ERC1: variants seen among roughly 807,000 people sequenced by gnomAD.
The protein encoded by ERC1 is ELKS/RAB6-interacting/CAST family member 1.
A neutral mutation model predicts 132.0 loss-of-function variants in ERC1; 56 were observed. The observed-to-expected ratio is 0.42, with a 90% confidence interval of 0.34 to 0.53. The LOEUF (loss-of-function observed/expected upper bound fraction) is 0.53, where lower values mean the gene tolerates loss of function less well. ERC1 is among the 20% of genes least tolerant of loss of function. The probability of loss-of-function intolerance (pLI) is 0.03; values close to 1 mark genes in which losing one functional copy is unlikely to be tolerated. For missense variants in ERC1, 1,202 were observed against 1,349.9 expected, an observed-to-expected ratio of 0.89 and a Z score of 1.72; for synonymous variants, 478 against 476.1, an observed-to-expected ratio of 1.00 and a Z score of -0.05.
chr12:1,038,549 CAG>C (rs978231445), intron 2 of ERC1, among the ~76,000 whole-genome samples: 17 of 151,966 alleles, frequency 1.1e-4, no homozygotes, highest in African/African-American at 3.6e-4. Context: ...TTAGTAGAGA[CAG>C]GGTTTCACCA....
chr12:1,223,174 T>C (rs2074304081), intron 12 of ERC1, among the ~76,000 whole-genome samples: 1 of 152,212 alleles, frequency 6.6e-6, no homozygotes, highest in Admixed American at 6.6e-5. Context: ...GTAAAACAGG[T>C]ATGTAGACTC....
At chr12:1,023,272 G>A (rs967059057) in intron 1 of ERC1, among the ~76,000 whole-genome samples, 3 of 152,162 alleles carry the variant, frequency 2.0e-5, no homozygotes, top group Non-Finnish European at 4.4e-5. Context: ...AGAAATCAAA[G>A]CAACAGGAAT....
intron 1 of ERC1, among the ~76,000 whole-genome samples, chr12:1,007,540 C>CTCTCTCTCTCTCTCTGTGTG (rs1555194875): frequency 3.4e-4 from 42 of 122,786 alleles, no homozygotes; most frequent in African/African-American, 1.2e-3. Flanking sequence ...CTCTCTCTCT[C>CTCTCTCTCTCTCTCTGTGTG]TGTGTGTGTG....
At chr12:1,448,311 C>G (rs1003935863) in intron 18 of ERC1, among the ~76,000 whole-genome samples, 2 of 152,144 alleles carry the variant, frequency 1.3e-5, no homozygotes, top group Non-Finnish European at 2.9e-5. Context: ...AACGAGAGAC[C>G]TGGGTCATCT....
intron 2 of ERC1, among the ~76,000 whole-genome samples, chr12:1,037,356 G>T (rs767766675): frequency 6.6e-6 from 1 of 152,118 alleles, no homozygotes; most frequent in Non-Finnish European, 1.5e-5. Flanking sequence ...TATAATTTGG[G>T]GGTCCTCTTT....
chr12:1,004,508 A>T (rs1432002683), intron 1 of ERC1, among the ~76,000 whole-genome samples: 1 of 144,818 alleles, frequency 6.9e-6, no homozygotes, highest in African/African-American at 2.6e-5. Flanking sequence ...CTGGGTTCAG[A>T]CAATTCTCCT....
intron 18 of ERC1, among the ~76,000 whole-genome samples, chr12:1,452,392 G>A (rs2093444059): frequency 6.6e-6 from 1 of 152,046 alleles, no homozygotes; most frequent in Non-Finnish European, 1.5e-5. Flanking sequence ...TCAACCATTT[G>A]ATGATAATGT....
intron 14 of ERC1, among the ~76,000 whole-genome samples, chr12:1,278,478 C>G (rs570178988): frequency 6.6e-6 from 1 of 151,714 alleles, no homozygotes; most frequent in South Asian, 2.1e-4. Context: ...ATTGTTGTAG[C>G]CACCTTAAAA....
chr12:1,462,673 T>C (rs1431459894), intron 18 of ERC1, among the ~76,000 whole-genome samples: 1 of 152,156 alleles, frequency 6.6e-6, no homozygotes, highest in African/African-American at 2.4e-5. Flanking sequence ...CTTATAGGAA[T>C]TGACTGAAAG....
chr12:1,151,772 C>G (rs566884174), intron 8 of ERC1: 2 of 152,154 alleles, frequency 1.3e-5, no homozygotes, highest in African/African-American at 4.8e-5. Context: ...CAGAAGACAA[C>G]AGGTAAAGAT....
intron 17 of ERC1, among the ~76,000 whole-genome samples, chr12:1,434,931 A>G (rs1299682982): frequency 6.6e-6 from 1 of 152,226 alleles, no homozygotes; most frequent in Admixed American, 6.5e-5. Context: ...GTTGTGCTAC[A>G]CGGCTTAACG....
chr12:1,195,874 C>T (rs1015604227), intron 12 of ERC1, among the ~76,000 whole-genome samples: 10 of 131,756 alleles, frequency 7.6e-5, no homozygotes, highest in Non-Finnish European at 1.4e-4. Context: ...TACTTATTTC[C>T]GCCCCCCCCC....
chr12:1,131,373 A>G (rs925719039), intron 7 of ERC1, among the ~76,000 whole-genome samples: 1 of 152,260 alleles, frequency 6.6e-6, no homozygotes, highest in Admixed American at 6.5e-5. Context: ...CAAGCCACAT[A>G]TCCATGCAAC....
intron 13 of ERC1, chr12:1,244,534 GTT>G: frequency 2.2e-6 from 1 of 445,552 alleles, no homozygotes; most frequent in Non-Finnish European, 4.5e-6. Flanking sequence ...TTGTTTGTTT[GTT>G]TTTAAGACAG....
chr12:1,202,530 G>T (rs576239855), intron 12 of ERC1, among the ~76,000 whole-genome samples: 73 of 152,178 alleles, frequency 4.8e-4, no homozygotes, highest in African/African-American at 1.7e-3. Flanking sequence ...GGTGGTGTTT[G>T]TCTATAGTCC....
intron 4 of ERC1, among the ~76,000 whole-genome samples, chr12:1,108,817 G>C (rs1300006992): frequency 6.6e-6 from 1 of 152,116 alleles, no homozygotes; most frequent in Non-Finnish European, 1.5e-5. Flanking sequence ...TAAAGGTCAC[G>C]TGATGAGCAA....
At chr12:1,313,084 C>T (rs1243387194) in intron 15 of ERC1, among the ~76,000 whole-genome samples, 1 of 152,104 alleles carries the variant, frequency 6.6e-6, no homozygotes, top group Non-Finnish European at 1.5e-5. Context: ...ACAGTGGCTC[C>T]ATGATACCAA....
At chr12:1,267,882 A>G (rs750801750) in intron 14 of ERC1, among the ~76,000 whole-genome samples, 5 of 152,198 alleles carry the variant, frequency 3.3e-5, no homozygotes, top group Non-Finnish European at 7.3e-5. Flanking sequence ...TGCCATTTTG[A>G]CATTATTTGG....
intron 17 of ERC1, among the ~76,000 whole-genome samples, chr12:1,410,207 G>C (rs375583708): frequency 6.6e-6 from 1 of 152,312 alleles, no homozygotes; most frequent in South Asian, 2.1e-4. Flanking sequence ...GGAACCTGCA[G>C]ATACAGAGGA....
Sources: gnomAD v4.1 joint callset for allele counts (sites outside exome capture counted in the v4.1 genomes callset) on GRCh38, gnomAD v4.1.1 for gene constraint, MANE v1.5 for transcripts, NCBI Gene and HGNC (gene_info 2026-07-23, HGNC 2026-07-21) for gene names.